Variants in NLRP11 observed in about 807,000 individuals in gnomAD.
The protein encoded by NLRP11 is NLR family pyrin domain containing 11.
A neutral mutation model predicts 79.3 loss-of-function variants in NLRP11; 53 were observed. The ratio of observed to expected loss-of-function variants is 0.67; its 90% CI spans 0.54 to 0.84. The LOEUF is 0.84. Ranked by LOEUF, NLRP11 falls within the 40% of genes least tolerant of loss-of-function variation. The pLI is 0.00. For synonymous variants in NLRP11, 518 were observed against 462.6 expected (o/e 1.12, Z -1.54); for missense variants, 1,264 against 1,255.0 (o/e 1.01, Z -0.11).
chr19:55,799,963 G>A (rs1334472492), intron 5 of NLRP11, among the ~76,000 whole-genome samples: 1 of 152,092 alleles, frequency 6.6e-6, no homozygotes, highest in African/African-American at 2.4e-5. Context: ...GTGAAACTCT[G>A]TCTCAAAACA....
exon 10 of NLRP11, chr19:55,785,553 TTA>T (rs1989817837): frequency 4.1e-5 from 50 of 1,225,492 alleles, no homozygotes; most frequent in Non-Finnish European, 5.3e-5. Flanking sequence ...AATAGGAAAA[TTA>T]TAGTCCTAAT....
intron 1 of NLRP11, among the ~76,000 whole-genome samples, chr19:55,829,658 CAAAAAAAA>C (rs543036205): frequency 5.5e-5 from 4 of 73,136 alleles, no homozygotes; most frequent in East Asian, 8.6e-4. Flanking sequence ...GACTCCGTCT[CAAAAAAAA>C]AAAAAAAAAA....
At chr19:55,823,199 G>A (rs1981980096) in intron 1 of NLRP11, among the ~76,000 whole-genome samples, 1 of 144,494 alleles carries the variant, frequency 6.9e-6, no homozygotes. Flanking sequence ...TGCAGCTGAG[G>A]GTCCTGTCTG....
At chr19:55,830,695 C>A (rs8103007) in intron 1 of NLRP11, among the ~76,000 whole-genome samples, 20,929 of 151,306 alleles carry the variant, frequency 0.14, 1,688 homozygotes, top group African/African-American at 0.21. Flanking sequence ...ACCTTTTGTA[C>A]ACTCATCTGA....
intron 4 of NLRP11, among the ~76,000 whole-genome samples, chr19:55,806,656 T>A (rs536986347): frequency 2.8e-4 from 43 of 152,276 alleles, no homozygotes; most frequent in African/African-American, 1.0e-3. Context: ...AATGAGCTTC[T>A]TAAAATGCAA....
At chr19:55,817,054 A>G (rs559987587) in intron 2 of NLRP11, among the ~76,000 whole-genome samples, 1 of 152,314 alleles carries the variant, frequency 6.6e-6, no homozygotes, top group Non-Finnish European at 1.5e-5. Context: ...AGTATCTGAT[A>G]GTCCTTGAAA....
chr19:55,835,377 C>G (rs190455625), upstream of NLRP11, among the ~76,000 whole-genome samples: 15 of 152,376 alleles, frequency 9.8e-5, no homozygotes, highest in African/African-American at 1.4e-4. Flanking sequence ...GTTCTGCCTA[C>G]GCAGAAAGAC....
chr19:55,824,820 T>G (rs1187287755), intron 1 of NLRP11, among the ~76,000 whole-genome samples: 1 of 101,442 alleles, frequency 9.9e-6, no homozygotes, highest in African/African-American at 7.8e-5. Flanking sequence ...ATGGGAGACG[T>G]TAACACCCCA....
intron 4 of NLRP11, among the ~76,000 whole-genome samples, chr19:55,807,401 T>A (rs1455893872): frequency 6.6e-6 from 1 of 152,148 alleles, no homozygotes; most frequent in Non-Finnish European, 1.5e-5. Flanking sequence ...CCCTGACCCA[T>A]TTTTGCTTTC....
chr19:55,794,697 T>C (rs1448245585), intron 6 of NLRP11, among the ~76,000 whole-genome samples: 1 of 152,086 alleles, frequency 6.6e-6, no homozygotes, highest in African/African-American at 2.4e-5. Context: ...GAGGCGGAGC[T>C]TGCAGTGAGC....
Position 55,817,820 on chromosome 19 carries a change from G to GGAAAA in NLRP11, c.271+83_271+84insTTTTC, listed in dbSNP as rs1555803816. ...CACCTGCTTCCCAGAAACCTATTTA[G>GGAAAA]AAAAAAAAAAAAAAAAAGGCCCAAC... On this transcript the variant is annotated intron_variant, in intron 2 of 9. Transcript: ENST00000589093. The GGAAAA allele has an allele frequency of 8.6e-3, 7,171 of 830,400 alleles. 68 individuals are homozygous for GGAAAA. Among genetic ancestry groups the GGAAAA allele is most frequent in the African/African-American group, 0.026 (1,318 of 50,770 alleles). 51.4% of individuals were successfully genotyped at this position (830,400 alleles called of 1,614,324 possible). A position where few individuals can be genotyped will look rare whatever the true frequency, so the allele number is the denominator to read the frequency against.
chr19:55,790,185 G>T (rs1990150345), intron 7 of NLRP11, among the ~76,000 whole-genome samples: 1 of 152,136 alleles, frequency 6.6e-6, no homozygotes, highest in African/African-American at 2.4e-5. Flanking sequence ...CAGCACTCCT[G>T]ATTACGTGCC....
chr19:55,810,331 C>T (rs964542887), exon 3 of NLRP11: 5 of 1,607,684 alleles, frequency 3.1e-6, no homozygotes, highest in East Asian at 2.2e-5. Context: ...TGCATGCCTC[C>T]TGATTGCCTA....
chr19:55,812,615 G>T (rs1980712370), intron 2 of NLRP11, among the ~76,000 whole-genome samples: 1 of 152,152 alleles, frequency 6.6e-6, no homozygotes, highest in African/African-American at 2.4e-5. Context: ...AAGATGTGGA[G>T]AAAAGGGAAG....
At chr19:55,817,506 G>A (rs1036601835) in intron 2 of NLRP11, among the ~76,000 whole-genome samples, 1 of 152,018 alleles carries the variant, frequency 6.6e-6, no homozygotes, top group Non-Finnish European at 1.5e-5. Context: ...AAAGAGAAGC[G>A]AAATAATAGC....
chr19:55,800,768 C>T (rs1011259555), intron 5 of NLRP11, among the ~76,000 whole-genome samples: 11 of 152,182 alleles, frequency 7.2e-5, no homozygotes, highest in African/African-American at 2.7e-4. Flanking sequence ...GCGATGTTCT[C>T]TGTGAAATAC....
chr19:55,801,503 C>G lies in NLRP11; in HGVS notation c.2171+69G>C, dbSNP rs919575786. The G allele has an allele frequency of 7.3e-6, 9 of 1,237,064 alleles. No homozygotes were observed. In the African/African-American group the frequency reaches 8.9e-5, roughly 12 times the overall value. 76.6% of individuals were successfully genotyped at this position (1,237,064 alleles called of 1,614,324 possible). On this transcript the variant is annotated intron_variant, in intron 5 of 9. Transcript: ENST00000589093. ...GGAGCAGGTAGTGTTATTGAAGGGG[C>G]ACCTCTATCCACCAACACCCAGGCA... is the stretch of plus-strand genomic sequence containing the variant.
At chr19:55,801,678 G>C in exon 5 of NLRP11, 1 of 1,613,704 alleles carries the variant, frequency 6.2e-7, no homozygotes, top group Non-Finnish European at 8.5e-7. Flanking sequence ...GTCAGGCTCC[G>C]ATTACGAGCC....
At chr19:55,785,516 CA>C in exon 10 of NLRP11, 2 of 939,284 alleles carry the variant, frequency 2.1e-6, no homozygotes, top group East Asian at 5.0e-5. Flanking sequence ...CACACACACA[CA>C]CACACACACA....
Sources: allele counts gnomAD v4.1 joint callset (sites outside exome capture counted in the v4.1 genomes callset), GRCh38; gene constraint gnomAD v4.1.1; transcripts MANE v1.5; gene names NCBI Gene and HGNC (gene_info 2026-07-23, HGNC 2026-07-21).